The following PDE3B variants were observed in gnomAD, a reference collection of about 807,000 sequenced individuals.
The protein encoded by PDE3B is phosphodiesterase 3B.
A neutral mutation model predicts 116.8 loss-of-function variants in PDE3B; 66 were observed. The ratio of observed to expected loss-of-function variants is 0.56; its 90% CI spans 0.46 to 0.69. The LOEUF (loss-of-function observed/expected upper bound fraction) is 0.69, where lower values mean the gene tolerates loss of function less well. Ranked by LOEUF, PDE3B falls within the 30% of genes least tolerant of loss-of-function variation. The pLI is 0.00. For missense variants in PDE3B, 1,384 were observed against 1,368.1 expected, an observed-to-expected ratio of 1.01 and a Z score of -0.18; for synonymous variants, 595 against 533.6, an observed-to-expected ratio of 1.12 and a Z score of -1.59.
chr11:14,753,231 C>T (rs1340210742), intron 1 of PDE3B, among the ~76,000 whole-genome samples: 1 of 152,092 alleles, frequency 6.6e-6, no homozygotes, highest in Non-Finnish European at 1.5e-5. Flanking sequence ...CAGTATAGAT[C>T]TTTTTGAGTG....
rs567570331 is a variant in PDE3B at position 14,819,321 on chromosome 11, GATT to G, written c.1807+119_1807+121del. On this transcript the variant is annotated intron_variant, in intron 7 of 15. Coordinates refer to ENST00000282096, the MANE Select transcript of PDE3B (RefSeq NM_000922.4). The stretch of plus-strand genomic sequence containing the variant: ...TCAGTTTATCCATCTTTAAAATGAA[GATT>G]ATTATTTTTTACCCACTTCACAGAG... The G allele has an allele frequency of 2.9e-4, 191 of 651,520 alleles. 2 individuals are homozygous for G. The African/African-American group carries it at 3.1e-3, about 11-fold the overall frequency. 40.4% of individuals were successfully genotyped at this position (651,520 alleles called of 1,614,324 possible). A position where few individuals can be genotyped will look rare whatever the true frequency, so the allele number is the denominator to read the frequency against.
intron 1 of PDE3B, among the ~76,000 whole-genome samples, chr11:14,693,654 CA>C (rs1027569123): frequency 6.6e-6 from 1 of 152,014 alleles, no homozygotes; most frequent in African/African-American, 2.4e-5. Context: ...ATCTACTGCT[CA>C]AAAAAATATA....
At chr11:14,816,615 C>G (rs1859338904) in intron 5 of PDE3B, among the ~76,000 whole-genome samples, 1 of 152,196 alleles carries the variant, frequency 6.6e-6, no homozygotes, top group Admixed American at 6.5e-5. Flanking sequence ...TCACTACACT[C>G]TAGCTTCATT....
intron 7 of PDE3B, among the ~76,000 whole-genome samples, chr11:14,829,830 C>T (rs1195039345): frequency 6.6e-6 from 1 of 152,024 alleles, no homozygotes; most frequent in African/African-American, 2.4e-5. Flanking sequence ...CACATGTACC[C>T]CTGAACCTAA....
chr11:14,650,905 G>C (rs2133747454), intron 1 of PDE3B, among the ~76,000 whole-genome samples: 1 of 152,026 alleles, frequency 6.6e-6, no homozygotes, highest in East Asian at 1.9e-4. Flanking sequence ...GTTTAGCTTA[G>C]TGAGACCTAT....
chr11:14,684,025 C>T (rs776871627), intron 1 of PDE3B, among the ~76,000 whole-genome samples: 57 of 152,148 alleles, frequency 3.7e-4, no homozygotes, highest in Non-Finnish European at 1.5e-4. Context: ...GATCAGAGAA[C>T]ATACTTTGTA....
intron 12 of PDE3B, among the ~76,000 whole-genome samples, chr11:14,846,030 A>G (rs1847593818): frequency 6.6e-6 from 1 of 152,210 alleles, no homozygotes; most frequent in Admixed American, 6.5e-5. Flanking sequence ...TCCAAGACTC[A>G]TAACTGTCAG....
intron 1 of PDE3B, among the ~76,000 whole-genome samples, chr11:14,702,953 C>T (rs1855413519): frequency 6.6e-6 from 1 of 151,904 alleles, no homozygotes; most frequent in Non-Finnish European, 1.5e-5. Flanking sequence ...TGTGTCATTT[C>T]TGCTACCTTA....
intron 1 of PDE3B, among the ~76,000 whole-genome samples, chr11:14,721,743 G>A (rs1260868399): frequency 3.9e-5 from 1 of 25,746 alleles, no homozygotes; most frequent in African/African-American, 1.6e-4. Flanking sequence ...ATGGTCACAG[G>A]AAGGGGAATA....
intron 1 of PDE3B, among the ~76,000 whole-genome samples, chr11:14,734,918 C>A (rs1047869783): frequency 6.6e-6 from 1 of 152,080 alleles, no homozygotes; most frequent in Admixed American, 6.6e-5. Flanking sequence ...ATTTAAGTTT[C>A]CCGAAATATC....
chr11:14,684,822 A>G (rs1026936827), intron 1 of PDE3B, among the ~76,000 whole-genome samples: 5 of 152,188 alleles, frequency 3.3e-5, no homozygotes, highest in Admixed American at 6.5e-5. Flanking sequence ...GGCTCTCTGC[A>G]GGAAGAAAAA....
the PDE3B span, among the ~76,000 whole-genome samples, chr11:14,888,637 A>C: frequency 6.6e-6 from 1 of 152,068 alleles, no homozygotes; most frequent in Non-Finnish European, 1.5e-5. Context: ...CATGGCACTT[A>C]TTTAACACTA....
chr11:14,844,106 A>T (rs1847533659), intron 12 of PDE3B, 80 bp downstream of exon 12: 5 of 1,024,718 alleles, frequency 4.9e-6, no homozygotes, highest in Admixed American at 1.8e-5. Context: ...TAAATCATTC[A>T]GTTGAATCAT....
chr11:14,737,318 T>C (rs1025527059), intron 1 of PDE3B, among the ~76,000 whole-genome samples: 2 of 152,054 alleles, frequency 1.3e-5, no homozygotes, highest in African/African-American at 2.4e-5. Context: ...CTCAGCCTCC[T>C]GAGTAGCTGG....
rs541927572 is a variant in PDE3B at position 14,783,046 on chromosome 11, A to T, written c.1030-3391A>T. On this transcript the variant is annotated intron_variant, in intron 2 of 15. Transcript: ENST00000282096. ...CTGGCCATCAGAGAAATGCAAATCAAAACCACAATGAGATACCATCTCACA... is the reference window on the plus strand; with the variant it reads ...CTGGCCATCAGAGAAATGCAAATCATAACCACAATGAGATACCATCTCACA... Among the ~76,000 whole-genome samples the T allele has an allele frequency of 8.3e-4, 127 of 152,356 alleles. 4 individuals carry two copies. The South Asian group carries it at 0.024, about 29-fold the overall frequency.
the PDE3B span, chr11:14,880,482 C>G: frequency 6.2e-7 from 1 of 1,613,432 alleles, no homozygotes; most frequent in South Asian, 1.1e-5. Context: ...CAGCTAGTTC[C>G]ACATTTTCAC....
chr11:14,725,325 T>TTCTTTC (rs1249671102), intron 1 of PDE3B, among the ~76,000 whole-genome samples: 5 of 150,796 alleles, frequency 3.3e-5, no homozygotes, highest in African/African-American at 1.2e-4. Context: ...CTTTCTTTCT[T>TTCTTTC]TCTTTTTCTT....
At chr11:14,665,223 C>T (rs1854092342) in intron 1 of PDE3B, among the ~76,000 whole-genome samples, 1 of 152,190 alleles carries the variant, frequency 6.6e-6, no homozygotes, top group African/African-American at 2.4e-5. Context: ...AACAACCCTT[C>T]ATGCTAAAAG....
chr11:14,747,166 C>T (rs777186030), intron 1 of PDE3B, among the ~76,000 whole-genome samples: 2 of 152,184 alleles, frequency 1.3e-5, no homozygotes, highest in Non-Finnish European at 2.9e-5. Context: ...ACACAGTCAT[C>T]ACCAAGGGGA....
Sources: gnomAD v4.1 joint callset for allele counts (sites outside exome capture counted in the v4.1 genomes callset) on GRCh38, gnomAD v4.1.1 for gene constraint, MANE v1.5 for transcripts, NCBI Gene and HGNC (gene_info 2026-07-23, HGNC 2026-07-21) for gene names.